EFCAB6: variants seen among roughly 807,000 people sequenced by gnomAD.
EFCAB6 encodes EF-hand calcium-binding domain-containing protein 6.
EFCAB6 carries 156 observed loss-of-function variants against 169.8 expected under a neutral mutation model. That is an observed-to-expected ratio of 0.92 (90% CI 0.81 to 1.05). The LOEUF is 1.05. EFCAB6 is among the 50% of genes least tolerant of loss of function. The pLI, the probability that EFCAB6 is intolerant of heterozygous loss-of-function variation, is 0.00. For missense variants in EFCAB6, 1,800 were observed against 1,829.1 expected, an observed-to-expected ratio of 0.98 and a Z score of 0.29; for synonymous variants, 698 against 676.4, an observed-to-expected ratio of 1.03 and a Z score of -0.50.
intron 4 of EFCAB6, among the ~76,000 whole-genome samples, chr22:43,767,682 G>A (rs2061358330): frequency 6.6e-6 from 1 of 152,178 alleles, no homozygotes; most frequent in South Asian, 2.1e-4. Context: ...TGAATCCAGA[G>A]TGCAAGTCCA....
intron 17 of EFCAB6, among the ~76,000 whole-genome samples, chr22:43,660,339 T>C (rs1200011266): frequency 1.3e-5 from 2 of 152,042 alleles, no homozygotes; most frequent in African/African-American, 4.8e-5. Flanking sequence ...CCATTCCCCA[T>C]GTGCCTGGTG....
intron 7 of EFCAB6, among the ~76,000 whole-genome samples, 156 bp from the exon 8 acceptor site, chr22:43,731,967 G>A (rs2059968172): frequency 1.3e-5 from 2 of 152,050 alleles, no homozygotes; most frequent in Non-Finnish European, 2.9e-5. Context: ...AAATGTTACT[G>A]TCAGATTTTT....
At position 43,715,317 on chromosome 22, in the gene EFCAB6, A is replaced by T. The variant is rs542314115; in HGVS notation, c.882+1531T>A. On this transcript the variant is annotated intron_variant, in intron 9 of 31. Transcript: ENST00000262726. Reference sequence around the variant, plus strand: ...TAGGCTGTTTACACTCAGCCCCAGGACTTAGCTGGACTCATTTAACCTATT... The same window carrying T: ...TAGGCTGTTTACACTCAGCCCCAGGTCTTAGCTGGACTCATTTAACCTATT... Among the ~76,000 whole-genome samples, 4 of 152,234 alleles carry T rather than the reference A, an allele frequency of 2.6e-5. No homozygotes were observed. The East Asian group carries it at 7.7e-4, about 29-fold the overall frequency.
In EFCAB6 at chr22:43,608,558, G is replaced by A. The variant is rs202223034; in HGVS notation, c.2605C>T (p.Arg869Cys). 8.7e-6 allele frequency: 14 copies of A among 1,614,020 alleles called. No homozygotes were observed. The highest frequency in any genetic ancestry group is 5.5e-5 in the South Asian group (5 of 91,088). ...TDNEGNGILR[R>C]RDIKNALYGF... ...TACAGTGCGTTCTTTATGTCCCGGCGTCGAAGAATGCCATTGCCCTCATTA... is the reference window on the plus strand; with the variant it reads ...TACAGTGCGTTCTTTATGTCCCGGCATCGAAGAATGCCATTGCCCTCATTA... Residue 869 changes from arginine (R) to cysteine (C), a missense_variant, in exon 22 of 32, where the codon CGC becomes TGC. Physicochemically the swap from Arg to Cys is radical, Grantham distance 180. Coordinates refer to ENST00000262726, the MANE Select transcript of EFCAB6 (RefSeq NM_022785.4).
chr22:43,605,254 G>T (rs2052828244), intron 22 of EFCAB6, among the ~76,000 whole-genome samples: 1 of 152,206 alleles, frequency 6.6e-6, no homozygotes, highest in Non-Finnish European at 1.5e-5. Context: ...ACTATGGGAA[G>T]AATTTAATTC....
chr22:43,754,175 T>C (rs1379320505), intron 6 of EFCAB6, among the ~76,000 whole-genome samples: 1 of 152,234 alleles, frequency 6.6e-6, no homozygotes, highest in African/African-American at 2.4e-5. Flanking sequence ...GGGATAAGCA[T>C]AATAGTAACA....
At chr22:43,710,307 C>T (rs1299457662) in intron 10 of EFCAB6, among the ~76,000 whole-genome samples, 3 of 152,198 alleles carry the variant, frequency 2.0e-5, no homozygotes, top group African/African-American at 7.2e-5. Flanking sequence ...TATCTGGTCA[C>T]ATCAACAGGA....
rs1159190541 is a variant in EFCAB6 at position 43,600,175 on chromosome 22, A to C, written c.2770T>G (p.Cys924Gly). ...INYSPAVHRPCAEDYFNFMGH... is the reference protein window; with the variant it reads ...INYSPAVHRPGAEDYFNFMGH... ...ATGAAGTTGAAATAATCCTCTGCAC[A>C]GGGCCGATGGACAGCAGGCGAATAG... Residue 924 changes from cysteine to glycine, a missense_variant, in exon 23 of 32, where the codon TGT (cysteine) becomes GGT (glycine). Cys to Gly is a radical substitution (Grantham distance 159). Coordinates refer to ENST00000262726, the MANE Select transcript of EFCAB6 (RefSeq NM_022785.4). 1.2e-6 allele frequency: 2 copies of C among 1,614,068 alleles called. No homozygotes were observed. The highest frequency in any genetic ancestry group is 2.7e-5 in the African/African-American group (2 of 74,944).
rs527269204 is a variant in EFCAB6 at position 43,795,499 on chromosome 22, C to T, written c.-7-13174G>A. On this transcript the variant is annotated intron_variant, in intron 2 of 31. Transcript: ENST00000262726. This position sits in a 1 kb window ranked among gnomAD's most constrained non-coding sequence, Gnocchi z 4.2. ...CTCACGGCCCCATGGGTCCCTCGGCCCTGCTCCACCCCAGCCGATTCCTCT... is the reference window on the plus strand; with the variant it reads ...CTCACGGCCCCATGGGTCCCTCGGCTCTGCTCCACCCCAGCCGATTCCTCT... Among the ~76,000 whole-genome samples, 2 of 152,238 alleles carry T rather than the reference C, an allele frequency of 1.3e-5. No individual in the cohort carries two copies. Among genetic ancestry groups the T allele is most frequent in the East Asian group, 3.9e-4 (2 of 5,172 alleles).
chr22:43,612,934 A>G (rs1016107122), intron 21 of EFCAB6, among the ~76,000 whole-genome samples: 1 of 144,946 alleles, frequency 6.9e-6, no homozygotes, highest in Non-Finnish European at 1.5e-5. Flanking sequence ...CAGATGCTGT[A>G]AAGTTGCAGA....
chr22:43,785,694 T>C (rs1423489319), intron 2 of EFCAB6, among the ~76,000 whole-genome samples: 1 of 151,678 alleles, frequency 6.6e-6, no homozygotes, highest in Non-Finnish European at 1.5e-5. Context: ...AATAGAAAAA[T>C]AGACAAAACT....
At chr22:43,603,203 G>A (rs1296358889) in intron 22 of EFCAB6, among the ~76,000 whole-genome samples, 2 of 152,150 alleles carry the variant, frequency 1.3e-5, no homozygotes, top group South Asian at 2.1e-4. Context: ...AATGAAGATC[G>A]TAAACATTCT....
Position 43,784,578 on chromosome 22 carries a change from T to TATGTGTATATATAC in EFCAB6, c.-7-2254_-7-2253insGTATATATACACAT, listed in dbSNP as rs1569487358. Among the ~76,000 whole-genome samples, 39 of 76,428 alleles carry TATGTGTATATATAC rather than the reference T, an allele frequency of 5.1e-4. 3 individuals are homozygous for TATGTGTATATATAC. Among genetic ancestry groups the TATGTGTATATATAC allele is most frequent in the African/African-American group, 1.5e-3 (26 of 17,558 alleles). 50.1% of individuals were successfully genotyped at this position (76,428 alleles called of 152,430 possible). On this transcript the variant is annotated intron_variant, in intron 2 of 31. Transcript: ENST00000262726. ...ATATACACATATATATGTGTACATA[T>TATGTGTATATATAC]ACACATATATATGTATATATACACA...
At position 43,608,533 on chromosome 22, in the gene EFCAB6, T is replaced by C. The variant is rs2053080668; in HGVS notation, c.2630A>G (p.Tyr877Cys). The change falls in exon 22 of 32, where the codon TAC becomes TGC. Residue 877 changes from tyrosine to cysteine, a missense_variant. Tyr to Cys is a radical substitution (Grantham distance 194). Coordinates refer to ENST00000262726, the MANE Select transcript of EFCAB6 (RefSeq NM_022785.4). ...TGGTGTGAGGGGAATATCAAAACCG[T>C]ACAGTGCGTTCTTTATGTCCCGGCG... is the stretch of plus-strand genomic sequence containing the variant. ...LRRRDIKNAL[Y>C]GFDIPLTPRE... 3 of 1,614,166 alleles carry C rather than the reference T, an allele frequency of 1.9e-6. No homozygotes were observed. Among genetic ancestry groups the C allele is most frequent in the Non-Finnish European group, 2.5e-6 (3 of 1,180,028 alleles).
intron 3 of EFCAB6, among the ~76,000 whole-genome samples, chr22:43,776,385 T>C (rs1271382731): frequency 6.6e-6 from 1 of 152,158 alleles, no homozygotes; most frequent in Non-Finnish European, 1.5e-5. Context: ...CAGCTTACAA[T>C]CTGGAGGTGA....
chr22:43,785,474 G>C (rs2062043179), intron 2 of EFCAB6, among the ~76,000 whole-genome samples: 1 of 151,818 alleles, frequency 6.6e-6, no homozygotes, highest in African/African-American at 2.4e-5. Flanking sequence ...GAAAATGAAG[G>C]CACAACATAT....
intron 17 of EFCAB6, among the ~76,000 whole-genome samples, chr22:43,637,515 G>A (rs578202554): frequency 1.2e-4 from 18 of 152,234 alleles, no homozygotes; most frequent in Admixed American, 2.6e-4. Flanking sequence ...GGCTTCCTGC[G>A]TGTGGAGGTT....
At chr22:43,698,963 G>C (rs2058673710) in intron 10 of EFCAB6, among the ~76,000 whole-genome samples, 1 of 152,202 alleles carries the variant, frequency 6.6e-6, no homozygotes, top group Non-Finnish European at 1.5e-5. Flanking sequence ...GAACATTTTA[G>C]ATTCTGGGTA....
At chr22:43,568,535 T>G (rs563269206) in intron 26 of EFCAB6, among the ~76,000 whole-genome samples, 22 of 152,206 alleles carry the variant, frequency 1.4e-4, no homozygotes, top group African/African-American at 5.3e-4. Context: ...TTTGAATATA[T>G]AGAGGGCTTC....
Sources: allele counts gnomAD v4.1 joint callset (sites outside exome capture counted in the v4.1 genomes callset), GRCh38; gene constraint gnomAD v4.1.1; non-coding constraint Gnocchi (gnomAD v3.1); transcripts MANE v1.5; gene names NCBI Gene and HGNC (gene_info 2026-07-23, HGNC 2026-07-21).